The following GLIS3 variants were observed in gnomAD, a reference collection of about 807,000 sequenced individuals.
GLIS3 encodes the protein GLIS family zinc finger 3.
Under a neutral mutation model 78.6 loss-of-function variants are expected in GLIS3, and 53 were observed. The ratio of observed to expected loss-of-function variants is 0.67; its 90% confidence interval spans 0.54 to 0.85. GLIS3 has a LOEUF of 0.85. GLIS3 is among the 40% of genes least tolerant of loss of function. GLIS3 has a pLI of 0.00. For synonymous variants in GLIS3, 684 were observed against 509.9 expected (o/e 1.34, Z -4.60); for missense variants, 1,703 against 1,231.1 (o/e 1.38, Z -5.74).
chr9:3,898,587 C>T, intron 7 of GLIS3, 104 bp downstream of exon 7: 1 of 1,382,814 alleles, frequency 7.2e-7, no homozygotes. Flanking sequence ...AAGAACAACA[C>T]AGACGATCTT....
chr9:4,177,634 A>G (rs898362524), intron 2 of GLIS3, among the ~76,000 whole-genome samples: 2 of 152,222 alleles, frequency 1.3e-5, no homozygotes, highest in Admixed American at 6.5e-5. Context: ...TTTAGCTTCT[A>G]TGAAACCAAC....
At position 4,215,324 on chromosome 9, in the gene GLIS3, CAT is replaced by C. The variant is rs1459187507; in HGVS notation, c.388+70712_388+70713del. ...GGGAGAGATGAGAGGAGTGTGTGTG[CAT>C]ATGTGTGTGTGTGTGTGTGTGTGTG... On this transcript the variant is annotated intron_variant, in intron 2 of 10. Coordinates refer to ENST00000381971, the MANE Select transcript of GLIS3 (RefSeq NM_001042413.2). Among the ~76,000 whole-genome samples the C allele has an allele frequency of 8.0e-4, 50 of 62,550 alleles. No individual in the cohort carries two copies. The East Asian group carries it at 0.022, about 27-fold the overall frequency. 41.0% of individuals were successfully genotyped at this position (62,550 alleles called of 152,430 possible).
intron 4 of GLIS3, among the ~76,000 whole-genome samples, chr9:4,066,685 T>C (rs1279431818): frequency 6.6e-6 from 1 of 152,250 alleles, no homozygotes; most frequent in Non-Finnish European, 1.5e-5. Flanking sequence ...CTGGACCCTG[T>C]AACATTTCTC....
chr9:4,401,967 T>C, the GLIS3 span, among the ~76,000 whole-genome samples: 3 of 152,072 alleles, frequency 2.0e-5, no homozygotes, highest in African/African-American at 7.2e-5. Flanking sequence ...AGCTTAGCTA[T>C]AGTAGAATAG....
chr9:3,876,598 G>C (rs898761666), intron 8 of GLIS3, among the ~76,000 whole-genome samples: 3 of 132,198 alleles, frequency 2.3e-5, no homozygotes, highest in African/African-American at 5.9e-5. Context: ...AAATGGTTCT[G>C]CAACAATAGG....
At chr9:4,191,468 G>A (rs1403813253) in intron 2 of GLIS3, among the ~76,000 whole-genome samples, 1 of 152,162 alleles carries the variant, frequency 6.6e-6, no homozygotes, top group African/African-American at 2.4e-5. Context: ...GAATTTACTT[G>A]TCTACATTAA....
chr9:4,052,479 C>A (rs1281827662), intron 4 of GLIS3, among the ~76,000 whole-genome samples: 2 of 152,146 alleles, frequency 1.3e-5, no homozygotes, highest in Non-Finnish European at 2.9e-5. Flanking sequence ...GCCATTTAGC[C>A]ACTCCTCATT....
chr9:4,250,045 A>T (rs1041415416), intron 2 of GLIS3, among the ~76,000 whole-genome samples: 15 of 152,178 alleles, frequency 9.9e-5, no homozygotes, highest in Non-Finnish European at 2.2e-4. Flanking sequence ...GGATCTTTGC[A>T]TTGATGTTCA....
At chr9:4,203,062 C>G (rs551928888) in intron 2 of GLIS3, among the ~76,000 whole-genome samples, 1 of 152,152 alleles carries the variant, frequency 6.6e-6, no homozygotes, top group Non-Finnish European at 1.5e-5. Context: ...TATTAGCAAA[C>G]TATGTCTATG....
intron 2 of GLIS3, among the ~76,000 whole-genome samples, chr9:4,271,954 C>G (rs4740761): frequency 6.6e-6 from 1 of 151,874 alleles, no homozygotes; most frequent in African/African-American, 2.4e-5. Context: ...TTTTCTTAAT[C>G]TAATAATGCA....
rs116933378 is a variant in GLIS3, at chr9:4,058,347, G to A, written c.1710+59421C>T. Among the ~76,000 whole-genome samples the A allele has an allele frequency of 1.9e-4, 29 of 151,790 alleles. No individual in the cohort carries two copies. In the East Asian group the frequency reaches 4.8e-3, roughly 25 times the overall value. On this transcript the variant is annotated intron_variant, in intron 4 of 10. Coordinates refer to ENST00000381971, the MANE Select transcript of GLIS3 (RefSeq NM_001042413.2). The stretch of plus-strand genomic sequence containing the variant: ...GCATGGCAGAGAGTAAGCAGATACT[G>A]CTCTGGGTTCAGAAATCACAGCTCT...
the GLIS3 span, among the ~76,000 whole-genome samples, chr9:4,361,519 C>T: frequency 1.3e-5 from 2 of 152,202 alleles, no homozygotes; most frequent in Non-Finnish European, 2.9e-5. Flanking sequence ...TAGTGTTCTG[C>T]ATGCAAGGAG....
At chr9:3,946,434 G>A (rs1400180866) in intron 4 of GLIS3, among the ~76,000 whole-genome samples, 1 of 152,154 alleles carries the variant, frequency 6.6e-6, no homozygotes, top group East Asian at 1.9e-4. Flanking sequence ...ATTAGGTAGG[G>A]TTGGTTACTG....
chr9:4,284,575 T>G (rs1025023028), intron 2 of GLIS3, among the ~76,000 whole-genome samples: 3 of 150,984 alleles, frequency 2.0e-5, no homozygotes, highest in African/African-American at 7.3e-5. Context: ...ATAAAATGAC[T>G]CAAAACTAAT....
At chr9:4,473,466 A>AAAAAAAAAAAAAAAT in the GLIS3 span, among the ~76,000 whole-genome samples, 1 of 135,502 alleles carries the variant, frequency 7.4e-6, no homozygotes, top group South Asian at 2.5e-4. Context: ...ACAACAAAAA[A>AAAAAAAAAAAAAAAT]AAAGGATCAT....
At chr9:4,247,928 T>C (rs916327305) in intron 2 of GLIS3, among the ~76,000 whole-genome samples, 2 of 152,156 alleles carry the variant, frequency 1.3e-5, no homozygotes, top group African/African-American at 4.8e-5. Flanking sequence ...CTCAGTTATT[T>C]TGAAATATAC....
chr9:4,378,001 A>G, the GLIS3 span, among the ~76,000 whole-genome samples: 2 of 152,200 alleles, frequency 1.3e-5, no homozygotes, highest in African/African-American at 4.8e-5. Flanking sequence ...GCAGCCAGTA[A>G]AACTTATGTG....
rs979344150 is a variant in GLIS3, at chr9:4,072,902, C to A, written c.1710+44866G>T. Among the ~76,000 whole-genome samples, 5 of 152,054 alleles carry A rather than the reference C, an allele frequency of 3.3e-5. No individual in the cohort carries two copies. In the East Asian group the frequency reaches 9.6e-4, roughly 29 times the overall value. The stretch of plus-strand genomic sequence containing the variant: ...TTATAGTTCACGTACAGCCCCAAAT[C>A]GAACTGAAAGCCCAAATTAACAGTA... On this transcript the variant is annotated intron_variant, in intron 4 of 10. Transcript: ENST00000381971.
At chr9:4,447,950 A>G in the GLIS3 span, among the ~76,000 whole-genome samples, 1,834 of 152,186 alleles carry the variant, frequency 0.012, 36 homozygotes, top group African/African-American at 0.041. Flanking sequence ...TGAGCTCTCA[A>G]TATGTTGCCC....
Sources: allele counts gnomAD v4.1 joint callset (sites outside exome capture counted in the v4.1 genomes callset), GRCh38; gene constraint gnomAD v4.1.1; transcripts MANE v1.5; gene names NCBI Gene and HGNC (gene_info 2026-07-23, HGNC 2026-07-21).